Variants in ATG2B observed in about 807,000 individuals in gnomAD.
The protein encoded by ATG2B is autophagy related 2B, also known as autophagy-related protein 2 homolog B.
ATG2B carries 121 observed loss-of-function variants against 241.3 expected under a neutral mutation model. The ratio of observed to expected loss-of-function variants is 0.50; its 90% CI spans 0.43 to 0.58. The LOEUF (loss-of-function observed/expected upper bound fraction) is 0.58. Ranked by LOEUF, ATG2B falls within the 20% of genes least tolerant of loss-of-function variation. The pLI is 0.00. For synonymous variants in ATG2B, 858 were observed against 876.6 expected (o/e 0.98, Z 0.37); for missense variants, 2,306 against 2,491.6 (o/e 0.93, Z 1.59).
intron 34 of ATG2B, among the ~76,000 whole-genome samples, chr14:96,300,582 G>T (rs541048516): frequency 6.6e-6 from 1 of 152,114 alleles, no homozygotes; most frequent in African/African-American, 2.4e-5. Context: ...CCAGAAAGAT[G>T]TATCTTACTC....
chr14:96,303,665 A>G (rs79999071), intron 32 of ATG2B, among the ~76,000 whole-genome samples: 12,936 of 152,214 alleles, frequency 0.085, 788 homozygotes, highest in East Asian at 0.22. Flanking sequence ...TATGTATAGG[A>G]AAAACACAGT....
intron 15 of ATG2B, 97 bp downstream of exon 15, chr14:96,325,552 T>A (rs1207651162): frequency 2.7e-6 from 3 of 1,096,404 alleles, no homozygotes; most frequent in Non-Finnish European, 2.6e-6. Flanking sequence ...TTAATTGTAC[T>A]ATATTGCAGG....
rs189687686 is a variant in ATG2B at position 96,343,028 on chromosome 14, A to C, written c.744+91T>G. 110 of 907,550 alleles carry C rather than the reference A, an allele frequency of 1.2e-4. No homozygotes were observed. In the Admixed American group the frequency reaches 3.5e-3, roughly 29 times the overall value. 56.2% of individuals were successfully genotyped at this position (907,550 alleles called of 1,614,324 possible). On this transcript the variant is annotated intron_variant, in intron 5 of 41. Transcript: ENST00000359933. The stretch of plus-strand genomic sequence containing the variant: ...TCTCAAGACAGAGATTCATTAAGAC[A>C]TATTATACATCCTAGCAAAATTTAA...
At chr14:96,324,025 A>T in intron 15 of ATG2B, 27 bp from the exon 16 acceptor site, 2 of 1,467,726 alleles carry the variant, frequency 1.4e-6, no homozygotes, top group Non-Finnish European at 1.9e-6. Flanking sequence ...ATTTACTGAA[A>T]TGTGCTTCTT....
rs1391220998 is a variant in ATG2B at position 96,281,559 on chromosome 14, G to A, written c.*4196C>T. The stretch of plus-strand genomic sequence containing the variant: ...TCAATGAAAAAGCAAATAGCCCTGG[G>A]TGACCAGCAAGTTATACAAACAATG... On this transcript the variant is annotated 3_prime_UTR_variant, in exon 42 of 42. Transcript: ENST00000359933. 6.6e-6 allele frequency: 1 copy of A among 152,194 alleles called. No individual in the cohort carries two copies. The highest frequency in any genetic ancestry group is 6.5e-5 in the Admixed American group (1 of 15,276). The allele number at this position is 152,194 out of a possible 1,614,324, so 9.4% of individuals were successfully genotyped here.
intron 34 of ATG2B, among the ~76,000 whole-genome samples, chr14:96,300,388 T>C (rs1886756949): frequency 6.6e-6 from 1 of 151,896 alleles, no homozygotes; most frequent in African/African-American, 2.4e-5. Flanking sequence ...TAGCTGGACA[T>C]GGTGGTATGC....
At chr14:96,340,070 GTGATA>G (rs1261672315) in intron 6 of ATG2B, among the ~76,000 whole-genome samples, 1 of 68,056 alleles carries the variant, frequency 1.5e-5, no homozygotes, top group African/African-American at 4.2e-5. Flanking sequence ...TATGCTATAT[GTGATA>G]TGATATATAT....
At chr14:96,344,163 T>C (rs1208646737) in intron 4 of ATG2B, among the ~76,000 whole-genome samples, 9 of 152,272 alleles carry the variant, frequency 5.9e-5, no homozygotes, top group Non-Finnish European at 1.2e-4. Context: ...AACGTACTTA[T>C]ATTTTTTTAA....
intron 6 of ATG2B, among the ~76,000 whole-genome samples, chr14:96,337,747 T>A (rs1452952243): frequency 6.6e-6 from 1 of 152,144 alleles, no homozygotes; most frequent in African/African-American, 2.4e-5. Flanking sequence ...TAGTATTGTT[T>A]TGGCTGTGGT....
At chr14:96,323,194 A>C (rs1887503044) in intron 16 of ATG2B, among the ~76,000 whole-genome samples, 1 of 152,196 alleles carries the variant, frequency 6.6e-6, no homozygotes, top group African/African-American at 2.4e-5. Flanking sequence ...AAACTCTAAC[A>C]ACAAAGTTAT....
chr14:96,292,161 T>A (rs140237706), intron 36 of ATG2B, 63 bp from the exon 37 acceptor site: 7 of 1,031,580 alleles, frequency 6.8e-6, no homozygotes, highest in East Asian at 5.0e-5. Context: ...AAATTAGATA[T>A]AAATTAATTT....
chr14:96,288,604 C>G (rs1430718305), intron 41 of ATG2B, among the ~76,000 whole-genome samples: 1 of 152,018 alleles, frequency 6.6e-6, no homozygotes, highest in East Asian at 1.9e-4. Context: ...GGACTTCCTG[C>G]CGTTTGGGAC....
intron 35 of ATG2B, 105 bp downstream of exon 35, chr14:96,295,377 G>T: frequency 1.2e-6 from 1 of 865,158 alleles, no homozygotes; most frequent in Non-Finnish European, 1.8e-6. Context: ...ACACATTTAT[G>T]TAAGTGGGAA....
chr14:96,294,352 T>C (rs1886571837), intron 36 of ATG2B, among the ~76,000 whole-genome samples: 1 of 152,122 alleles, frequency 6.6e-6, no homozygotes. Context: ...CATCCAGTTT[T>C]GGAAAAGAAA....
At position 96,316,528 on chromosome 14, in the gene ATG2B, C is replaced by G; in HGVS notation, c.3361+5G>C. On this transcript the variant is annotated splice_donor_5th_base_variant and intron_variant, in intron 21 of 41. Coordinates refer to ENST00000359933, the MANE Select transcript of ATG2B (RefSeq NM_018036.7). ...AGAAGAAACCAAGACACGTGTTTGTCCTACCTTTATGGTACAGACTGAAAC... is the reference window on the plus strand; with the variant it reads ...AGAAGAAACCAAGACACGTGTTTGTGCTACCTTTATGGTACAGACTGAAAC... 6.2e-7 allele frequency: 1 copy of G among 1,610,260 alleles called. No individual in the cohort carries two copies. Among genetic ancestry groups the G allele is most frequent in the Non-Finnish European group, 8.5e-7 (1 of 1,179,036 alleles).
At chr14:96,351,313 TTA>T (rs1302591372) in intron 1 of ATG2B, among the ~76,000 whole-genome samples, 2 of 152,216 alleles carry the variant, frequency 1.3e-5, no homozygotes, top group Admixed American at 6.5e-5. Context: ...GTAAAAGTTT[TTA>T]TGTTTGCTGG....
chr14:96,303,119 T>C lies in ATG2B; in HGVS notation c.4979A>G (p.Asn1660Ser). ...ACTGCAATACAGGTATAAAAATTTA[T>C]TCATTTGTGATGTTGCCAAACGATC... is the stretch of plus-strand genomic sequence containing the variant. ...IRDRLATSQMNKFLYLYCSKE... is the reference protein window; with the variant it reads ...IRDRLATSQMSKFLYLYCSKE... Residue 1660 changes from asparagine (N) to serine (S), a missense_variant, in exon 33 of 42, where the codon AAT becomes AGT. Asn to Ser is a conservative substitution (Grantham distance 46). Coordinates refer to ENST00000359933, the MANE Select transcript of ATG2B (RefSeq NM_018036.7). The C allele has an allele frequency of 6.2e-7, 1 of 1,612,442 alleles. No individual in the cohort carries two copies. The highest frequency in any genetic ancestry group is 8.5e-7 in the Non-Finnish European group (1 of 1,179,260).
chr14:96,313,555 A>G (rs1354918450), intron 23 of ATG2B, 120 bp from the exon 24 acceptor site: 8 of 522,532 alleles, frequency 1.5e-5, no homozygotes, highest in African/African-American at 9.9e-5. Flanking sequence ...TTGGAAAATC[A>G]TAACGGTAAA....
At position 96,333,646 on chromosome 14, in the gene ATG2B, T is replaced by G. The variant is rs1887796739; in HGVS notation, c.1207+42A>C. ...AAATTAAGTGTAATTTTATCTATGA[T>G]TATAATATATGATTCTGGTGTCAAC... On this transcript the variant is annotated intron_variant, in intron 8 of 41. Coordinates refer to ENST00000359933, the MANE Select transcript of ATG2B (RefSeq NM_018036.7). The G allele has an allele frequency of 1.9e-6, 3 of 1,559,740 alleles. No individual in the cohort carries two copies. The East Asian group carries it at 6.8e-5, about 35-fold the overall frequency.
Sources: allele counts gnomAD v4.1 joint callset (sites outside exome capture counted in the v4.1 genomes callset), GRCh38; gene constraint gnomAD v4.1.1; transcripts MANE v1.5; gene names NCBI Gene and HGNC (gene_info 2026-07-23, HGNC 2026-07-21).